The following SEMA3A variants were observed in gnomAD, a reference collection of about 807,000 sequenced individuals.
SEMA3A encodes the protein semaphorin-3A.
In SEMA3A, 29 loss-of-function variants were observed where a neutral mutation model predicts 97.9. The observed-to-expected ratio is 0.30, with a 90% CI of 0.22 to 0.40. The LOEUF is 0.40. SEMA3A is among the 10% of genes least tolerant of loss of function. SEMA3A has a pLI of 1.00. For missense variants in SEMA3A, 763 were observed against 951.3 expected (o/e 0.80, Z 2.60); for synonymous variants, 321 against 323.7 (o/e 0.99, Z 0.09).
At chr7:84,219,788 T>G (rs1222082027) in intron 3 of SEMA3A, among the ~76,000 whole-genome samples, 1 of 152,308 alleles carries the variant, frequency 6.6e-6, no homozygotes, top group East Asian at 1.9e-4. Context: ...TCCACAGCAC[T>G]TGCTGCTTCA....
intron 4 of SEMA3A, among the ~76,000 whole-genome samples, chr7:84,069,293 C>A (rs1300159655): frequency 6.6e-6 from 1 of 152,100 alleles, no homozygotes; most frequent in Non-Finnish European, 1.5e-5. Flanking sequence ...TTCTGAAATT[C>A]AGACTCCTGT....
intron 1 of SEMA3A, among the ~76,000 whole-genome samples, chr7:84,426,127 TG>T (rs1472824806): frequency 2.0e-5 from 3 of 151,874 alleles, no homozygotes; most frequent in Non-Finnish European, 4.4e-5. Flanking sequence ...TTGGGTAAAA[TG>T]CACACTGCTC....
At chr7:84,050,380 G>C (rs571832322) in intron 5 of SEMA3A, among the ~76,000 whole-genome samples, 93 of 152,142 alleles carry the variant, frequency 6.1e-4, no homozygotes, top group African/African-American at 2.2e-3. Flanking sequence ...GTTGTTTCCT[G>C]ACTTTTTAAT....
At chr7:84,358,854 T>C (rs954221902) in intron 2 of SEMA3A, among the ~76,000 whole-genome samples, 15 of 152,198 alleles carry the variant, frequency 9.9e-5, no homozygotes, top group Non-Finnish European at 2.1e-4. Context: ...GTCCTTCATA[T>C]CCCTTGTAAG....
intron 6 of SEMA3A, among the ~76,000 whole-genome samples, chr7:84,016,399 G>A (rs573591534): frequency 3.3e-5 from 5 of 152,020 alleles, no homozygotes; most frequent in African/African-American, 4.8e-5. Context: ...TTAGCCGAGC[G>A]TGGTGGCGGG....
At chr7:84,137,695 A>G (rs561080745) in intron 1 of SEMA3A, among the ~76,000 whole-genome samples, 99 of 150,202 alleles carry the variant, frequency 6.6e-4, no homozygotes, top group African/African-American at 2.3e-3. Context: ...ACTTTAAAAA[A>G]AAAAAAAAAA....
At chr7:84,059,966 T>C (rs558559507) in intron 5 of SEMA3A, among the ~76,000 whole-genome samples, 1 of 152,266 alleles carries the variant, frequency 6.6e-6, no homozygotes, top group East Asian at 1.9e-4. Flanking sequence ...TTTTGAACTA[T>C]AAGCATTCCC....
At chr7:84,215,347 A>T (rs545125323) in intron 3 of SEMA3A, among the ~76,000 whole-genome samples, 5 of 150,738 alleles carry the variant, frequency 3.3e-5, no homozygotes, top group Non-Finnish European at 5.9e-5. Flanking sequence ...TACCACACCC[A>T]GCTAATTTTT....
chr7:84,046,542 T>C (rs1792360314), intron 5 of SEMA3A, 99 bp from the exon 6 acceptor site: 2 of 1,386,972 alleles, frequency 1.4e-6, no homozygotes, highest in Non-Finnish European at 2.0e-6. Flanking sequence ...GTTATGACCA[T>C]GCTAAGAGGA....
At chr7:84,177,113 A>G (rs1446648865) in intron 1 of SEMA3A, among the ~76,000 whole-genome samples, 1 of 152,202 alleles carries the variant, frequency 6.6e-6, no homozygotes, top group Admixed American at 6.5e-5. Flanking sequence ...TGCATCTACA[A>G]GAATCACTTA....
chr7:83,985,687 A>T (rs1156618030), intron 12 of SEMA3A, among the ~76,000 whole-genome samples: 1 of 152,210 alleles, frequency 6.6e-6, no homozygotes, highest in East Asian at 1.9e-4. Flanking sequence ...AGTGTCATAC[A>T]GTCTACATAC....
chr7:84,226,288 T>C (rs745328756), intron 3 of SEMA3A, among the ~76,000 whole-genome samples: 1 of 152,020 alleles, frequency 6.6e-6, no homozygotes, highest in South Asian at 2.1e-4. Flanking sequence ...CATTTTGCCA[T>C]GGACTCCCCT....
intron 1 of SEMA3A, among the ~76,000 whole-genome samples, chr7:84,400,547 G>T (rs1803874198): frequency 6.6e-6 from 1 of 152,150 alleles, no homozygotes; most frequent in Admixed American, 6.5e-5. Flanking sequence ...ACGGAGGAAA[G>T]AATCAGTGAG....
At chr7:84,068,748 G>A (rs945215546) in intron 4 of SEMA3A, among the ~76,000 whole-genome samples, 6 of 152,186 alleles carry the variant, frequency 3.9e-5, no homozygotes, top group Middle Eastern at 3.4e-3. Context: ...TAGATGAGAA[G>A]TGCTTCCAAT....
intron 2 of SEMA3A, among the ~76,000 whole-genome samples, chr7:84,347,838 C>G (rs1802339257): frequency 6.6e-6 from 1 of 151,874 alleles, no homozygotes. Flanking sequence ...GAGCAGTAGC[C>G]AGAGATGAGA....
intron 4 of SEMA3A, among the ~76,000 whole-genome samples, chr7:84,088,071 T>C (rs1298461184): frequency 2.0e-5 from 3 of 152,178 alleles, no homozygotes; most frequent in African/African-American, 7.2e-5. Context: ...CCCCCAAATA[T>C]GTAGTTCTGA....
At chr7:84,179,253 C>G (rs1797663131) in intron 1 of SEMA3A, among the ~76,000 whole-genome samples, 1 of 152,126 alleles carries the variant, frequency 6.6e-6, no homozygotes, top group Non-Finnish European at 1.5e-5. Flanking sequence ...ATTACACAGT[C>G]TCTGATCACT....
intron 3 of SEMA3A, among the ~76,000 whole-genome samples, chr7:84,288,145 C>T (rs1800641027): frequency 6.6e-6 from 1 of 151,806 alleles, no homozygotes; most frequent in African/African-American, 2.4e-5. Context: ...AAGGCAGTGT[C>T]TCATTATATT....
chr7:84,099,359 C>T (rs1430703323), intron 4 of SEMA3A, among the ~76,000 whole-genome samples: 10 of 150,144 alleles, frequency 6.7e-5, no homozygotes, highest in East Asian at 3.9e-4. Flanking sequence ...CGTGAGCCAC[C>T]GCGCCCGGCC....
Sources: allele counts gnomAD v4.1 joint callset (sites outside exome capture counted in the v4.1 genomes callset), GRCh38; gene constraint gnomAD v4.1.1; transcripts MANE v1.5; gene names NCBI Gene and HGNC (gene_info 2026-07-23, HGNC 2026-07-21).